The following IL33 variants were observed in gnomAD, a reference collection of about 807,000 sequenced individuals.
The protein encoded by IL33 is interleukin-33.
Under a neutral mutation model 27.3 loss-of-function variants are expected in IL33, and 37 were observed. The ratio of observed to expected loss-of-function variants is 1.36; its 90% CI spans 1.04 to 1.78. The LOEUF is 1.78. Ranked by LOEUF, IL33 falls within the 40% of genes most tolerant of loss-of-function variation. The probability of loss-of-function intolerance (pLI) is 0.00; values close to 1 mark genes in which losing one functional copy is unlikely to be tolerated. For missense variants in IL33, 406 were observed against 311.4 expected (o/e 1.30, Z -2.29); for synonymous variants, 132 against 102.9 (o/e 1.28, Z -1.71).
At chr9:6,240,199 A>G (rs1185271908) in intron 1 of IL33, among the ~76,000 whole-genome samples, 1 of 152,172 alleles carries the variant, frequency 6.6e-6, no homozygotes, top group Admixed American at 6.5e-5. Flanking sequence ...CCCTCAGGAG[A>G]TCCTGAGAAC....
chr9:6,216,789 C>T (rs1036833247), intron 1 of IL33, among the ~76,000 whole-genome samples: 1 of 152,060 alleles, frequency 6.6e-6, no homozygotes, highest in Admixed American at 6.6e-5. Flanking sequence ...AATAGCTTCA[C>T]AAAGAGGATT....
chr9:6,244,882 G>A (rs1362664851), intron 2 of IL33, among the ~76,000 whole-genome samples: 1 of 152,146 alleles, frequency 6.6e-6, no homozygotes, highest in Non-Finnish European at 1.5e-5. Flanking sequence ...AGTTCACAAT[G>A]CTACAAAACT....
rs1333840940 is a variant in IL33, at chr9:6,256,351, C to T, written c.*183C>T. On this transcript the variant is annotated 3_prime_UTR_variant, in exon 8 of 8. Coordinates refer to ENST00000682010, the MANE Select transcript of IL33 (RefSeq NM_033439.4). ...ATCCTCCAGTTATTCTTTTATTTCC[C>T]TCTGTATAACTGCATCTTCAATACA... 3.4e-6 allele frequency: 2 copies of T among 582,762 alleles called. No individual in the cohort carries two copies. Among genetic ancestry groups the T allele is most frequent in the Non-Finnish European group, 6.0e-6 (2 of 331,836 alleles). The allele number at this position is 582,762 out of a possible 1,614,324, so 36.1% of individuals were successfully genotyped here.
chr9:6,223,995 C>A (rs141924697), intron 1 of IL33, among the ~76,000 whole-genome samples: 1 of 152,278 alleles, frequency 6.6e-6, no homozygotes, highest in Non-Finnish European at 1.5e-5. Flanking sequence ...AGCCAAGAAG[C>A]GCTTACTCCT....
At chr9:6,253,693 AAAAGAT>A in intron 6 of IL33, 91 bp downstream of exon 6, 1 of 985,452 alleles carries the variant, frequency 1.0e-6, no homozygotes, top group South Asian at 1.5e-5. Context: ...CCCATAGGAA[AAAAGAT>A]AGTCTCAGAA....
intron 2 of IL33, among the ~76,000 whole-genome samples, chr9:6,243,173 A>C (rs1819630973): frequency 1.3e-5 from 2 of 152,126 alleles, no homozygotes; most frequent in Admixed American, 1.3e-4. Flanking sequence ...CCAAAGCCAA[A>C]CCATAGAAAT....
In IL33 at chr9:6,254,567, A is replaced by G; in HGVS notation, c.612+14A>G. 1 of 1,240,878 alleles carries G rather than the reference A, an allele frequency of 8.1e-7. No individual in the cohort carries two copies. Among genetic ancestry groups the G allele is most frequent in the Non-Finnish European group, 1.1e-6 (1 of 909,908 alleles). The allele number at this position is 1,240,878 out of a possible 1,614,324, so 76.9% of individuals were successfully genotyped here. On this transcript the variant is annotated intron_variant, in intron 7 of 7. Transcript: ENST00000682010. ...CACTCTGTGGAGGTAAAAAAAAAAA[A>G]TTTATCTATATCTATATATATGATT...
intron 1 of IL33, among the ~76,000 whole-genome samples, chr9:6,235,881 A>C (rs868140595): frequency 6.6e-6 from 1 of 152,174 alleles, no homozygotes; most frequent in Non-Finnish European, 1.5e-5. Context: ...TTGGAAGTCA[A>C]TTCATTAATA....
Position 6,238,883 on chromosome 9 carries a change from A to C in IL33, c.-11-2801A>C, listed in dbSNP as rs1416486340. The stretch of plus-strand genomic sequence containing the variant: ...AGCCAGATTGCAGAACCATACTAAG[A>C]GAATATGGAATTTTCTGCAATTTAT... On this transcript the variant is annotated intron_variant, in intron 1 of 7. Transcript: ENST00000682010. Among the ~76,000 whole-genome samples, 6 of 152,310 alleles carry C rather than the reference A, an allele frequency of 3.9e-5. No individual in the cohort carries two copies. The East Asian group carries it at 9.6e-4, about 24-fold the overall frequency.
chr9:6,244,503 A>G (rs1819709680), intron 2 of IL33, among the ~76,000 whole-genome samples: 1 of 152,222 alleles, frequency 6.6e-6, no homozygotes, highest in Non-Finnish European at 1.5e-5. Context: ...AATAACCAAC[A>G]AAAAAGTGGA....
intron 4 of IL33, 51 bp from the exon 5 acceptor site, chr9:6,252,815 A>C: frequency 1.3e-6 from 2 of 1,585,064 alleles, no homozygotes; most frequent in Non-Finnish European, 1.7e-6. Context: ...ATTTTTTAAA[A>C]AGGTTGCCAA....
chr9:6,234,893 A>G (rs1361461364), intron 1 of IL33, among the ~76,000 whole-genome samples: 1 of 152,164 alleles, frequency 6.6e-6, no homozygotes, highest in Non-Finnish European at 1.5e-5. Flanking sequence ...ATAAAATTCA[A>G]ACTCCTTATT....
intron 1 of IL33, among the ~76,000 whole-genome samples, chr9:6,221,493 A>G (rs915638132): frequency 6.6e-6 from 1 of 152,250 alleles, no homozygotes; most frequent in Non-Finnish European, 1.5e-5. Context: ...AGCAGATTCA[A>G]CATTTAGAAG....
chr9:6,217,939 G>C (rs1818218730), intron 1 of IL33, among the ~76,000 whole-genome samples: 1 of 146,972 alleles, frequency 6.8e-6, no homozygotes, highest in South Asian at 2.1e-4. Context: ...TGCCACACTG[G>C]GGTCCTATAC....
chr9:6,253,014 A>G, intron 5 of IL33, 23 bp downstream of exon 5: 1 of 1,330,548 alleles, frequency 7.5e-7, no homozygotes, highest in Non-Finnish European at 1.0e-6. Context: ...CTTTTTCTAT[A>G]ATAATGTAAT....
intron 1 of IL33, among the ~76,000 whole-genome samples, chr9:6,235,159 G>T (rs898071257): frequency 1.3e-5 from 2 of 152,070 alleles, no homozygotes; most frequent in Non-Finnish European, 2.9e-5. Flanking sequence ...TCCCACCTCA[G>T]TCTCCCAAGT....
chr9:6,240,558 A>G (rs1166776123), intron 1 of IL33, among the ~76,000 whole-genome samples: 2 of 152,312 alleles, frequency 1.3e-5, no homozygotes, highest in African/African-American at 4.8e-5. Flanking sequence ...CAGAAAAAGT[A>G]AAGTAAAAAT....
intron 1 of IL33, among the ~76,000 whole-genome samples, chr9:6,237,793 T>C (rs1819312915): frequency 6.6e-6 from 1 of 152,226 alleles, no homozygotes; most frequent in Admixed American, 6.5e-5. Flanking sequence ...TGACCAGGAA[T>C]TGTTTTTTCT....
In IL33 at chr9:6,257,940, CTA is replaced by C; in HGVS notation, c.*1773_*1774del. On this transcript the variant is annotated 3_prime_UTR_variant, in exon 8 of 8. Transcript: ENST00000682010. ...ATTATTAAATAATCAAATATATCTA[CTA>C]CATTGTTTATATTATTGAATAAAGT... 1 of 13,160 alleles carries C rather than the reference CTA, an allele frequency of 7.6e-5. No homozygotes were observed. 0.8% of individuals were successfully genotyped at this position (13,160 alleles called of 1,614,324 possible).
Sources: allele counts gnomAD v4.1 joint callset (sites outside exome capture counted in the v4.1 genomes callset), GRCh38; gene constraint gnomAD v4.1.1; transcripts MANE v1.5; gene names NCBI Gene and HGNC (gene_info 2026-07-23, HGNC 2026-07-21).